Variants in GNG2 observed in about 807,000 individuals in gnomAD.
GNG2 encodes the protein G protein subunit gamma 2, also known as guanine nucleotide-binding protein G(I)/G(S)/G(O) subunit gamma-2.
In GNG2, 5 loss-of-function variants were observed where a neutral mutation model predicts 5.5. The ratio of observed to expected loss-of-function variants is 0.91; its 90% CI spans 0.48 to 1.92. GNG2 has a LOEUF of 1.92. Ranked by LOEUF, GNG2 falls within the 30% of genes most tolerant of loss-of-function variation. The pLI, the probability that GNG2 is intolerant of heterozygous loss-of-function variation, is 0.01. For synonymous variants in GNG2, 28 were observed against 32.0 expected, an observed-to-expected ratio of 0.88 and a Z score of 0.42; for missense variants, 55 against 88.4, an observed-to-expected ratio of 0.62 and a Z score of 1.52.
At chr14:51,936,329 T>C (rs1255997497) in intron 2 of GNG2, among the ~76,000 whole-genome samples, 5 of 152,194 alleles carry the variant, frequency 3.3e-5, no homozygotes, top group Non-Finnish European at 5.9e-5. Flanking sequence ...CAGCCTTTCC[T>C]TTCTTGGAAG....
chr14:51,904,555 TGATCTGTGCAGGG>T lies in GNG2; in HGVS notation c.-30+26900_-30+26912del, dbSNP rs1301144197. Among the ~76,000 whole-genome samples the T allele has an allele frequency of 8.3e-3, 1,270 of 152,252 alleles. 21 individuals carry two copies. The highest frequency in any genetic ancestry group is 0.029 in the African/African-American group (1,210 of 41,548). On this transcript the variant is annotated intron_variant, in intron 2 of 3. Coordinates refer to ENST00000556766, the MANE Select transcript of GNG2 (RefSeq NM_053064.5). ...ACTCCCAGCTAAGGCAGCTGCAGCA[TGATCTGTGCAGGG>T]GCCTGGGCTTCACAGACTGATGTAA...
At chr14:51,864,731 T>G (rs1264951956) in intron 1 of GNG2, among the ~76,000 whole-genome samples, 1 of 152,080 alleles carries the variant, frequency 6.6e-6, no homozygotes, top group Non-Finnish European at 1.5e-5. Context: ...GTCCCCTCAT[T>G]AGAGAAAAAT....
In GNG2 at chr14:51,862,127, C is replaced by T. The variant is rs557513626; in HGVS notation, c.-71+1337C>T. ...ATTTTTAATGCTATCTTTATGAAATCGATATGGCTTCTCAAAATCTGTGGA... is the reference window on the plus strand; with the variant it reads ...ATTTTTAATGCTATCTTTATGAAATTGATATGGCTTCTCAAAATCTGTGGA... On this transcript the variant is annotated intron_variant, in intron 1 of 3. Coordinates refer to ENST00000556766, the MANE Select transcript of GNG2 (RefSeq NM_053064.5). Among the ~76,000 whole-genome samples the T allele has an allele frequency of 5.3e-5, 8 of 152,100 alleles. No homozygotes were observed. In the East Asian group the frequency reaches 1.2e-3, roughly 22 times the overall value.
rs1370410276 is a variant in GNG2, at chr14:51,935,021, C to CTTTTTTTTTTTTTTTT, written c.-29-15626_-29-15625insTTTTTTTTTTTTTTTT. On this transcript the variant is annotated intron_variant, in intron 2 of 3. Coordinates refer to ENST00000556766, the MANE Select transcript of GNG2 (RefSeq NM_053064.5). The stretch of plus-strand genomic sequence containing the variant: ...ATAGGTGGAAATTCCAGCCCAGTTT[C>CTTTTTTTTTTTTTTTT]TTTCTTTTTTTTTTTTTTTTGGAGA... 1.8e-5 allele frequency among the ~76,000 whole-genome samples: 2 copies of CTTTTTTTTTTTTTTTT among 111,302 alleles called. 1 individual carries two copies. 73.0% of individuals were successfully genotyped at this position (111,302 alleles called of 152,430 possible).
intron 2 of GNG2, among the ~76,000 whole-genome samples, chr14:51,942,571 C>CTT (rs142157409): frequency 1.3e-4 from 7 of 55,682 alleles, no homozygotes; most frequent in African/African-American, 3.5e-4. Flanking sequence ...TTTATTTTTT[C>CTT]TCTTTCTTTC....
In GNG2 at chr14:51,836,856, C is replaced by CTTTT. The variant is rs369095215; in HGVS notation, c.64+9065_64+9068dup. Among the ~76,000 whole-genome samples the CTTTT allele has an allele frequency of 1.5e-4, 19 of 130,662 alleles. 2 individuals are homozygous for CTTTT. Among genetic ancestry groups the CTTTT allele is most frequent in the South Asian group, 2.3e-4 (1 of 4,294 alleles). 85.7% of individuals were successfully genotyped at this position (130,662 alleles called of 152,430 possible). A position where few individuals can be genotyped will look rare whatever the true frequency, so the allele number is the denominator to read the frequency against. On this transcript the variant is annotated intron_variant, in intron 2 of 3. Coordinates refer to the GNG2 transcript ENST00000553432. Reference sequence around the variant, plus strand: ...ATATTATGATTTTAAGTGACTTCATCTTTTTTTTTTTTTTTTTTTGAGACA... The same window carrying CTTTT: ...ATATTATGATTTTAAGTGACTTCATCTTTTTTTTTTTTTTTTTTTTTTTGAGACA...
chr14:51,831,574 T>A (rs1881191254), intron 2 of GNG2, among the ~76,000 whole-genome samples: 1 of 152,246 alleles, frequency 6.6e-6, no homozygotes, highest in South Asian at 2.1e-4. Context: ...AAGAGCTATA[T>A]GTTTGAGCAA....
At chr14:51,897,596 A>C (rs548759595) in intron 2 of GNG2, among the ~76,000 whole-genome samples, 1 of 152,312 alleles carries the variant, frequency 6.6e-6, no homozygotes, top group Admixed American at 6.5e-5. Flanking sequence ...AAATGGGTGA[A>C]TCCATGATCA....
intron 2 of GNG2, among the ~76,000 whole-genome samples, chr14:51,849,211 A>G (rs1315696448): frequency 2.0e-5 from 3 of 152,156 alleles, no homozygotes; most frequent in Admixed American, 6.5e-5. Flanking sequence ...CAGGAGACCT[A>G]AGATCCTCCC....
chr14:51,865,260 CTGTCTTT>C (rs771912251), intron 1 of GNG2, among the ~76,000 whole-genome samples: 79 of 152,140 alleles, frequency 5.2e-4, no homozygotes, highest in Admixed American at 1.2e-3. Context: ...AGCCAGGTGC[CTGTCTTT>C]ACTAGATCTG....
At chr14:51,919,979 TC>T (rs1198901439) in intron 2 of GNG2, among the ~76,000 whole-genome samples, 1 of 152,154 alleles carries the variant, frequency 6.6e-6, no homozygotes, top group Non-Finnish European at 1.5e-5. Context: ...TAAACCGTTG[TC>T]CCTCTGTATC....
intron 2 of GNG2, among the ~76,000 whole-genome samples, chr14:51,855,003 C>T (rs1445993202): frequency 6.6e-6 from 1 of 152,196 alleles, no homozygotes; most frequent in East Asian, 1.9e-4. Context: ...CCCTTCCTCT[C>T]CTCATCAACA....
At chr14:51,861,062 C>G (rs970219237) in intron 1 of GNG2, among the ~76,000 whole-genome samples, 3 of 152,108 alleles carry the variant, frequency 2.0e-5, no homozygotes, top group African/African-American at 7.2e-5. Flanking sequence ...GGAGGAAAAC[C>G]AGGGCTGAGT....
chr14:51,846,952 C>T (rs1249416391), intron 2 of GNG2, among the ~76,000 whole-genome samples: 2 of 152,092 alleles, frequency 1.3e-5, no homozygotes, highest in Non-Finnish European at 2.9e-5. Flanking sequence ...TGTGGTGCAG[C>T]GGCTGGGATC....
At chr14:51,917,274 T>A in intron 2 of GNG2, 1 of 446,108 alleles carries the variant, frequency 2.2e-6, no homozygotes, top group Middle Eastern at 3.3e-4. Flanking sequence ...TCCCAGTGAA[T>A]CCCAGCCGCT....
At chr14:51,868,320 G>A (rs1376758333) in intron 1 of GNG2, among the ~76,000 whole-genome samples, 1 of 151,924 alleles carries the variant, frequency 6.6e-6, no homozygotes, top group Non-Finnish European at 1.5e-5. Context: ...TCACTGAGAG[G>A]GTAGTTTGAA....
intron 2 of GNG2, among the ~76,000 whole-genome samples, chr14:51,907,073 G>T (rs1044894613): frequency 6.6e-6 from 1 of 152,116 alleles, no homozygotes; most frequent in Admixed American, 6.5e-5. Flanking sequence ...ATCTTTTACA[G>T]GGACTCCGTG....
At chr14:51,934,353 T>G (rs1175444871) in intron 2 of GNG2, among the ~76,000 whole-genome samples, 1 of 152,198 alleles carries the variant, frequency 6.6e-6, no homozygotes, top group African/African-American at 2.4e-5. Flanking sequence ...GTCTTCGAGC[T>G]TTTCTGCATA....
intron 1 of GNG2, among the ~76,000 whole-genome samples, chr14:51,865,949 GAAA>G (rs10578977): frequency 1.9e-4 from 28 of 151,018 alleles, no homozygotes; most frequent in East Asian, 1.7e-3. Flanking sequence ...ATTAAACACT[GAAA>G]AAAAAAAAAG....
Sources: allele counts gnomAD v4.1 joint callset (sites outside exome capture counted in the v4.1 genomes callset), GRCh38; gene constraint gnomAD v4.1.1; transcripts MANE v1.5; gene names NCBI Gene and HGNC (gene_info 2026-07-23, HGNC 2026-07-21).